DNAH17: variants seen among roughly 807,000 people sequenced by gnomAD.
DNAH17 encodes axonemal beta dynein heavy chain 17.
DNAH17 carries 376 observed loss-of-function variants against 485.6 expected under a neutral mutation model. That is an observed-to-expected ratio of 0.77 (90% CI 0.71 to 0.84). The LOEUF is 0.84. Ranked by LOEUF, DNAH17 falls within the 40% of genes least tolerant of loss-of-function variation. The pLI, the probability that DNAH17 is intolerant of heterozygous loss-of-function variation, is 0.00. For missense variants in DNAH17, 6,370 were observed against 5,839.3 expected (o/e 1.09, Z -2.96); for synonymous variants, 3,031 against 2,405.9 (o/e 1.26, Z -7.60).
chr17:78,425,130 TCTC>T (rs2086380558), intron 80 of DNAH17: 3 of 489,536 alleles, frequency 6.1e-6, no homozygotes, highest in Non-Finnish European at 1.1e-5. Context: ...GTGTTTTTGG[TCTC>T]CTCCAGACCC....
rs770079773 is a variant in DNAH17, at chr17:78,453,360, G to A, written c.10512C>T (p.Asn3504=). 2 of 1,613,610 alleles carry A rather than the reference G, an allele frequency of 1.2e-6. No homozygotes were observed. Among genetic ancestry groups the A allele is most frequent in the Admixed American group, 3.3e-5 (2 of 59,936 alleles). The change falls in exon 65 of 81, where the codon AAC becomes AAT. Residue 3504 remains asparagine (N), a synonymous_variant. Coordinates refer to ENST00000389840, the MANE Select transcript of DNAH17 (RefSeq NM_173628.4). ...DPVLDPLLGR[N]TIKKGKYIKI... ...CAACTCACTTTCCCTTTTTAATCGTGTTCCTGCCCAGTAGAGGGTCCAGCA... is the reference window on the plus strand; with the variant it reads ...CAACTCACTTTCCCTTTTTAATCGTATTCCTGCCCAGTAGAGGGTCCAGCA...
At chr17:78,448,033 A>G (rs1031244477) in intron 69 of DNAH17, among the ~76,000 whole-genome samples, 1 of 152,034 alleles carries the variant, frequency 6.6e-6, no homozygotes, top group Non-Finnish European at 1.5e-5. Context: ...TTAGCCAGGC[A>G]TGGTGGTGCA....
At chr17:78,518,964 C>G (rs377513985) in intron 25 of DNAH17, among the ~76,000 whole-genome samples, 2 of 151,784 alleles carry the variant, frequency 1.3e-5, no homozygotes, top group Admixed American at 6.6e-5. Flanking sequence ...GTCAGGAGAT[C>G]GAGACCATTC....
At position 78,424,436 on chromosome 17, in the gene DNAH17, A is replaced by G. The variant is rs117263857; in HGVS notation, c.13142-283T>C. The G allele has an allele frequency of 9.6e-5, 38 of 396,114 alleles. No individual in the cohort carries two copies. The East Asian group carries it at 1.5e-3, about 15-fold the overall frequency. The allele number at this position is 396,114 out of a possible 1,614,324, so 24.5% of individuals were successfully genotyped here. On this transcript the variant is annotated intron_variant, in intron 80 of 80. Transcript: ENST00000389840. ...TTTCAGAGCCTCATCTGTCAGCCTT[A>G]ATGTCAGTGGCAGGAAGTCATAACT...
intron 36 of DNAH17, chr17:78,500,036 TAAC>T (rs951584019): frequency 2.7e-5 from 11 of 412,786 alleles, no homozygotes; most frequent in Non-Finnish European, 4.4e-5. Context: ...GGGGCAATCT[TAAC>T]AACTGAAATT....
rs1473053281 is a variant in DNAH17, at chr17:78,482,068, TA to T, written c.7650-1283del. On this transcript the variant is annotated intron_variant, in intron 48 of 80. Transcript: ENST00000389840. Reference sequence around the variant, plus strand: ...TTCCTTGATGTCACACTACACTAGTTACTTTTTTTTTTTTTTTTTTTTCCCC... The same window carrying T: ...TTCCTTGATGTCACACTACACTAGTTCTTTTTTTTTTTTTTTTTTTTCCCC... Among the ~76,000 whole-genome samples the T allele has an allele frequency of 9.3e-4, 114 of 123,108 alleles. 1 individual carries two copies. The highest frequency in any genetic ancestry group is 2.3e-3 in the Admixed American group (24 of 10,264). The allele number at this position is 123,108 out of a possible 152,430, so 80.8% of individuals were successfully genotyped here.
At chr17:78,524,813 G>A (rs1049434482) in intron 25 of DNAH17, among the ~76,000 whole-genome samples, 196 bp downstream of exon 25, 1 of 152,206 alleles carries the variant, frequency 6.6e-6, no homozygotes, top group Non-Finnish European at 1.5e-5. Flanking sequence ...CATACAGAGA[G>A]AGGTGAACAT....
chr17:78,574,825 T>TA lies in DNAH17; in HGVS notation c.232dup (p.Tyr78LeufsTer48). The TA allele has an allele frequency of 6.2e-7, 1 of 1,614,002 alleles. No individual in the cohort carries two copies. Among genetic ancestry groups the TA allele is most frequent in the East Asian group, 2.2e-5 (1 of 44,870 alleles). Reference sequence around the variant, plus strand: ...GTTCTCGGACTTTGTCTTGATGAAGTAAACCCCTTTGGACTTGAGGGACTG... The same window carrying TA: ...GTTCTCGGACTTTGTCTTGATGAAGTAAAACCCCTTTGGACTTGAGGGACTG... On this transcript the variant is annotated frameshift_variant, in exon 2 of 81. Transcript: ENST00000389840. LOFTEE classifies it high-confidence loss of function.
In DNAH17 at chr17:78,426,908, G is replaced by T. The variant is rs777291478; in HGVS notation, c.12771+18C>A. 1 of 1,587,552 alleles carries T rather than the reference G, an allele frequency of 6.3e-7. No homozygotes were observed. The highest frequency in any genetic ancestry group is 1.1e-5 in the South Asian group (1 of 87,366). On this transcript the variant is annotated intron_variant, in intron 78 of 80. Coordinates refer to ENST00000389840, the MANE Select transcript of DNAH17 (RefSeq NM_173628.4). ...ACCATCCAGCCACGTCCCTGGGGCCGGGCTGACCCATGTTTACCTTCAGCC... is the reference window on the plus strand; with the variant it reads ...ACCATCCAGCCACGTCCCTGGGGCCTGGCTGACCCATGTTTACCTTCAGCC...
intron 54 of DNAH17, among the ~76,000 whole-genome samples, chr17:78,471,726 G>A (rs2088761609): frequency 6.6e-6 from 1 of 152,078 alleles, no homozygotes; most frequent in Admixed American, 6.5e-5. Flanking sequence ...TGTCCCATAT[G>A]GAGTGGCCCT....
At chr17:78,451,443 C>G in intron 66 of DNAH17, 26 bp downstream of exon 66, 1 of 1,588,558 alleles carries the variant, frequency 6.3e-7, no homozygotes, top group Non-Finnish European at 8.6e-7. Context: ...CACCTCCTCC[C>G]GTGTGACCAA....
intron 25 of DNAH17, chr17:78,522,548 C>T (rs746016082): frequency 9.9e-6 from 3 of 302,864 alleles, no homozygotes; most frequent in Non-Finnish European, 2.0e-5. Flanking sequence ...CCCTAAGTCA[C>T]ACCCATGTTG....
rs1389221201 is a variant in DNAH17, at chr17:78,501,948, A to G, written c.5191-75T>C. The G allele has an allele frequency of 5.0e-6, 8 of 1,587,652 alleles. No homozygotes were observed. In the East Asian group the frequency reaches 9.0e-5, roughly 18 times the overall value. ...TGGGGGGTCTTGTGGCTGGGTGCCC[A>G]CAGCTGCATAGGGAACACCACCATG... On this transcript the variant is annotated intron_variant, in intron 33 of 80. Coordinates refer to ENST00000389840, the MANE Select transcript of DNAH17 (RefSeq NM_173628.4).
chr17:78,551,689 C>T (rs915907374), intron 15 of DNAH17, 51 bp from the exon 16 acceptor site: 48 of 1,576,606 alleles, frequency 3.0e-5, no homozygotes, highest in Non-Finnish European at 3.7e-5. Context: ...TCAGGCTGGG[C>T]GCGGTGGCTC....
intron 54 of DNAH17, among the ~76,000 whole-genome samples, chr17:78,470,069 CTTTTTTTTTTTT>C (rs34298026): frequency 5.4e-5 from 5 of 93,366 alleles, no homozygotes; most frequent in Non-Finnish European, 7.8e-5. Context: ...ATGTCTTACT[CTTTTTTTTTTTT>C]TTTTTTTTTT....
chr17:78,494,809 G>A lies in DNAH17; in HGVS notation c.6054C>T (p.Asp2018=). 1.2e-6 allele frequency: 2 copies of A among 1,607,096 alleles called. No homozygotes were observed. Among genetic ancestry groups the A allele is most frequent in the African/African-American group, 1.3e-5 (1 of 74,890 alleles). The change falls in exon 40 of 81, where the codon GAC becomes GAT. Residue 2018 remains aspartate (D), a synonymous_variant. Transcript: ENST00000389840. The part of the protein sequence containing the change: ...KELLSKQDHY[D]WGLRAIKSVL... ...CAGACTTGATGGCTCTCAGGCCCCA[G>A]TCGTAATGATCCTGCGGGCAGTGGG...
At chr17:78,459,339 C>G in intron 60 of DNAH17, 131 bp from the exon 61 acceptor site, 2 of 908,080 alleles carry the variant, frequency 2.2e-6, no homozygotes, top group Admixed American at 1.9e-5. Flanking sequence ...CACAGTCAGG[C>G]TGGCCCTAGA....
rs1468346065 is a variant in DNAH17, at chr17:78,429,261, TG to T, written c.12264del (p.Met4089CysfsTer76). The T allele has an allele frequency of 6.2e-7, 1 of 1,613,768 alleles. No homozygotes were observed. Among genetic ancestry groups the T allele is most frequent in the African/African-American group, 1.3e-5 (1 of 74,902 alleles). On this transcript the variant is annotated frameshift_variant, in exon 76 of 81. Coordinates refer to ENST00000389840, the MANE Select transcript of DNAH17 (RefSeq NM_173628.4). LOFTEE classifies it high-confidence loss of function. ...WDDLRYLFGE[I>X]MYGGHITDDW... Reference sequence around the variant, plus strand: ...TCATCTGTGATGTGGCCGCCATACATGATTTCACCAAAAAGGTAGCGGAGAT... The same window carrying T: ...TCATCTGTGATGTGGCCGCCATACATATTTCACCAAAAAGGTAGCGGAGAT...
intron 71 of DNAH17, 59 bp from the exon 72 acceptor site, chr17:78,441,258 C>A (rs2087064033): frequency 6.3e-7 from 1 of 1,594,846 alleles, no homozygotes; most frequent in South Asian, 1.1e-5. Flanking sequence ...GGGCGGGGCG[C>A]TCGGGGTGGG....
Sources: gnomAD v4.1 joint callset for allele counts (sites outside exome capture counted in the v4.1 genomes callset) on GRCh38, gnomAD v4.1.1 for gene constraint, MANE v1.5 for transcripts, NCBI Gene and HGNC (gene_info 2026-07-23, HGNC 2026-07-21) for gene names.